The following SAMMSON variants were observed in gnomAD, a reference collection of about 807,000 sequenced individuals.
The protein encoded by SAMMSON is long intergenic non-protein coding RNA 1212.
chr3:70,212,953 C>A (rs1427377871), intron 4 of SAMMSON, among the ~76,000 whole-genome samples: 1 of 151,866 alleles, frequency 6.6e-6, no homozygotes, highest in Non-Finnish European at 1.5e-5. Context: ...ACCAACACAG[C>A]AAGCTTATTA....
chr3:70,425,473 G>A (rs1701356073), intron 2 of SAMMSON, among the ~76,000 whole-genome samples: 1 of 151,642 alleles, frequency 6.6e-6, no homozygotes. Flanking sequence ...GTGCAGTGGC[G>A]TGATCTTGGC....
intron 9 of SAMMSON, among the ~76,000 whole-genome samples, chr3:70,366,492 G>GTTTT: frequency 0.16 from 15,651 of 100,022 alleles, 1,808 homozygotes; most frequent in Non-Finnish European, 0.21. Context: ...GTGTTTTTAT[G>GTTTT]TTTTTTTTTT....
intron 3 of SAMMSON, chr3:70,068,571 G>A (rs1354539258): frequency 6.6e-6 from 1 of 152,056 alleles, no homozygotes; most frequent in Non-Finnish European, 1.5e-5. Context: ...TCCTGTGTAT[G>A]GCAATTAATC....
chr3:70,332,789 T>A (rs559999974), intron 7 of SAMMSON: 1 of 152,182 alleles, frequency 6.6e-6, no homozygotes, highest in South Asian at 2.1e-4. Flanking sequence ...AGAGACGGGG[T>A]TTCACCGTTT....
chr3:70,241,175 T>C (rs1426501396), intron 4 of SAMMSON, among the ~76,000 whole-genome samples: 1 of 152,164 alleles, frequency 6.6e-6, no homozygotes, highest in Non-Finnish European at 1.5e-5. Flanking sequence ...TGAGATATTT[T>C]GGAAGAATTG....
downstream of SAMMSON, among the ~76,000 whole-genome samples, chr3:70,394,367 G>A (rs541356294): frequency 1.1e-4 from 16 of 152,102 alleles, 1 homozygote; most frequent in South Asian, 2.7e-3. Flanking sequence ...TTCCCTTTGC[G>A]TGGCCTTGAC....
chr3:70,273,805 T>G (rs1701996857), intron 6 of SAMMSON, among the ~76,000 whole-genome samples: 1 of 152,112 alleles, frequency 6.6e-6, no homozygotes, highest in Non-Finnish European at 1.5e-5. Flanking sequence ...ATTTTTCTCT[T>G]TTGTTTTGTT....
rs536170072 is a variant in SAMMSON at position 70,147,470 on chromosome 3, G to A, written n.507+75905G>A. Among the ~76,000 whole-genome samples the A allele has an allele frequency of 4.6e-5, 7 of 152,112 alleles. No individual in the cohort carries two copies. The South Asian group carries it at 6.2e-4, about 14-fold the overall frequency. ...GTGTGTTATTGTCAAGGGATCACAC[G>A]TAGATGACTGGAATATAGTCCAGAA... On this transcript the variant is annotated intron_variant and non_coding_transcript_variant, in intron 4 of 9. Transcript: ENST00000642114.
intron 6 of SAMMSON, among the ~76,000 whole-genome samples, chr3:70,285,839 G>C (rs1309627041): frequency 6.6e-6 from 1 of 151,984 alleles, no homozygotes; most frequent in African/African-American, 2.4e-5. Flanking sequence ...TGTGTTTTTT[G>C]GCTGCATAAA....
chr3:70,005,127 A>G (rs1428528539), intron 1 of SAMMSON, among the ~76,000 whole-genome samples: 1 of 152,150 alleles, frequency 6.6e-6, no homozygotes, highest in Non-Finnish European at 1.5e-5. Flanking sequence ...AAGGGAAGAG[A>G]TAATCCTGGG....
At chr3:70,175,634 C>G (rs1701003434) in intron 4 of SAMMSON, among the ~76,000 whole-genome samples, 1 of 151,968 alleles carries the variant, frequency 6.6e-6, no homozygotes, top group South Asian at 2.1e-4. Context: ...AGATATCAAC[C>G]AAGAATTTGG....
At chr3:70,154,109 C>T (rs2067582541) in intron 4 of SAMMSON, among the ~76,000 whole-genome samples, 2 of 151,280 alleles carry the variant, frequency 1.3e-5, no homozygotes, top group South Asian at 4.2e-4. Flanking sequence ...TTTTTTCCAG[C>T]ACAGTGTTAG....
At chr3:70,037,760 T>C (rs2067091730) in intron 3 of SAMMSON, among the ~76,000 whole-genome samples, 1 of 152,190 alleles carries the variant, frequency 6.6e-6, no homozygotes, top group Non-Finnish European at 1.5e-5. Flanking sequence ...TGAGCTGGAA[T>C]ACACCCTTAG....
intron 4 of SAMMSON, among the ~76,000 whole-genome samples, chr3:70,161,889 T>TA (rs1576139641): frequency 2.0e-5 from 3 of 151,836 alleles, no homozygotes; most frequent in South Asian, 2.1e-4. Flanking sequence ...TTCATTTTTT[T>TA]AAGAATTTAT....
chr3:70,105,096 T>C (rs977162784), intron 4 of SAMMSON, among the ~76,000 whole-genome samples: 3 of 152,150 alleles, frequency 2.0e-5, no homozygotes, highest in African/African-American at 7.2e-5. Flanking sequence ...GATTTTTTTT[T>C]TCTCCTTTCA....
intron 4 of SAMMSON, among the ~76,000 whole-genome samples, chr3:70,134,486 C>A (rs2067497925): frequency 6.6e-6 from 1 of 150,874 alleles, no homozygotes; most frequent in Admixed American, 6.6e-5. Context: ...TATTTGCCAG[C>A]CAAATAAAAT....
rs190299255 is a variant in SAMMSON at position 70,056,188 on chromosome 3, C to A, written n.418-15288C>A. On this transcript the variant is annotated intron_variant and non_coding_transcript_variant, in intron 3 of 9. Transcript: ENST00000642114. ...TTCTTGGAATTCCTTTTGATTTTTA[C>A]TAATCTCAAATTTGATAGCCATCAC... Among the ~76,000 whole-genome samples, 3 of 152,112 alleles carry A rather than the reference C, an allele frequency of 2.0e-5. No individual in the cohort carries two copies. In the East Asian group the frequency reaches 5.8e-4, roughly 30 times the overall value.
At chr3:70,146,515 A>G (rs571218690) in intron 4 of SAMMSON, among the ~76,000 whole-genome samples, 1 of 152,184 alleles carries the variant, frequency 6.6e-6, no homozygotes, top group South Asian at 2.1e-4. Flanking sequence ...AATAGTTAAA[A>G]GTCAATCAAT....
rs1402272936 is a variant in SAMMSON, at chr3:70,286,979, G to C, written n.675-4200G>C. 4.0e-5 allele frequency among the ~76,000 whole-genome samples: 6 copies of C among 149,774 alleles called. No homozygotes were observed. The South Asian group carries it at 6.5e-4, about 16-fold the overall frequency. On this transcript the variant is annotated intron_variant and non_coding_transcript_variant, in intron 6 of 9. Transcript: ENST00000642114. ...TGGGCTGAGACAATGGCGTTTTCTA[G>C]ATATAAAATCATGTCGTCTGCAAAC...
Sources: gnomAD v4.1 joint callset for allele counts (sites outside exome capture counted in the v4.1 genomes callset) on GRCh38, gnomAD v4.1.1 for gene constraint, MANE v1.5 for transcripts, NCBI Gene and HGNC (gene_info 2026-07-23, HGNC 2026-07-21) for gene names.